Variants in SIPA1L1 observed in about 807,000 individuals in gnomAD.
SIPA1L1 encodes signal-induced proliferation-associated 1-like protein 1.
In SIPA1L1, 26 loss-of-function variants were observed where a neutral mutation model predicts 162.7. The ratio of observed to expected loss-of-function variants is 0.16; its 90% CI spans 0.12 to 0.22. The LOEUF (loss-of-function observed/expected upper bound fraction) is 0.22. Ranked by LOEUF, SIPA1L1 falls within the 10% of genes least tolerant of loss-of-function variation. The pLI, the probability that SIPA1L1 is intolerant of heterozygous loss-of-function variation, is 1.00. For synonymous variants in SIPA1L1, 829 were observed against 837.4 expected (o/e 0.99, Z 0.17); for missense variants, 1,874 against 2,241.0 (o/e 0.84, Z 3.31).
intron 4 of SIPA1L1, among the ~76,000 whole-genome samples, chr14:71,544,344 T>C (rs1242864500): frequency 1.3e-5 from 2 of 151,934 alleles, no homozygotes; most frequent in East Asian, 3.9e-4. Flanking sequence ...CATGTGTGTG[T>C]ATATACATGT....
rs997019875 is a variant in SIPA1L1 at position 71,377,298 on chromosome 14, C to G, written c.-465+56117C>G. ...ACGGGGGCGTTCTCCACTTCTCAGACAGGGCGGCTGCCGGGTGGAGGGGCT... is the reference window on the plus strand; with the variant it reads ...ACGGGGGCGTTCTCCACTTCTCAGAGAGGGCGGCTGCCGGGTGGAGGGGCT... On this transcript the variant is annotated intron_variant, in intron 2 of 23. Coordinates refer to ENST00000381232, the MANE Select transcript of SIPA1L1 (RefSeq NM_001386936.1). The surrounding 1 kb of genome is among the most constrained non-coding windows in gnomAD (Gnocchi z 4.8). Among the ~76,000 whole-genome samples the G allele has an allele frequency of 1.3e-5, 2 of 151,090 alleles. No homozygotes were observed. Among genetic ancestry groups the G allele is most frequent in the Admixed American group, 6.6e-5 (1 of 15,224 alleles).
intron 2 of SIPA1L1, among the ~76,000 whole-genome samples, chr14:71,476,276 A>T (rs1436647112): frequency 6.6e-6 from 1 of 152,222 alleles, no homozygotes; most frequent in Admixed American, 6.5e-5. Flanking sequence ...GAGTTCATGC[A>T]TCTGTTTCCC....
chr14:71,438,967 AG>A (rs2044623140), intron 2 of SIPA1L1, among the ~76,000 whole-genome samples: 1 of 151,364 alleles, frequency 6.6e-6, no homozygotes, highest in African/African-American at 2.4e-5. Flanking sequence ...CTAGGAGAGC[AG>A]GTTTTTTTTT....
intron 2 of SIPA1L1, among the ~76,000 whole-genome samples, chr14:71,455,271 G>A (rs188794303): frequency 4.6e-5 from 7 of 152,322 alleles, no homozygotes; most frequent in Admixed American, 3.3e-4. Flanking sequence ...GTGATTGAAT[G>A]TATGCCATTG....
At chr14:71,406,272 G>T (rs2042019975) in intron 2 of SIPA1L1, among the ~76,000 whole-genome samples, 1 of 152,170 alleles carries the variant, frequency 6.6e-6, no homozygotes, top group African/African-American at 2.4e-5. Context: ...TTTCTGATAT[G>T]CTGTATATAT....
At chr14:71,364,891 G>A (rs577272980) in intron 2 of SIPA1L1, among the ~76,000 whole-genome samples, 5 of 151,090 alleles carry the variant, frequency 3.3e-5, no homozygotes, top group African/African-American at 4.9e-5. Context: ...GACTACAGGC[G>A]CATGCCACCA....
rs932302671 is a variant in SIPA1L1, at chr14:71,377,818, A to C, written c.-465+56637A>C. ...GGCGAAACCCCGTCTCCACCAAAAA[A>C]TACAAAAACCAGTCAGGCGTGGCGG... On this transcript the variant is annotated intron_variant, in intron 2 of 23. Coordinates refer to ENST00000381232, the MANE Select transcript of SIPA1L1 (RefSeq NM_001386936.1). This position sits in a 1 kb window ranked among gnomAD's most constrained non-coding sequence, Gnocchi z 4.8. 1.3e-5 allele frequency among the ~76,000 whole-genome samples: 2 copies of C among 152,214 alleles called. No individual in the cohort carries two copies. Among genetic ancestry groups the C allele is most frequent in the Non-Finnish European group, 2.9e-5 (2 of 68,032 alleles).
chr14:71,539,246 G>A (rs1567170933), intron 4 of SIPA1L1, among the ~76,000 whole-genome samples: 1 of 152,140 alleles, frequency 6.6e-6, no homozygotes, highest in East Asian at 1.9e-4. Flanking sequence ...CTCATAAGCT[G>A]TAGAAGTGTC....
intron 17 of SIPA1L1, among the ~76,000 whole-genome samples, chr14:71,719,861 A>G (rs1442486876): frequency 6.6e-6 from 1 of 152,154 alleles, no homozygotes; most frequent in African/African-American, 2.4e-5. Flanking sequence ...GAGTTCCCAT[A>G]CACCCCTCAC....
intron 2 of SIPA1L1, among the ~76,000 whole-genome samples, chr14:71,453,996 CAAAAAAAAAAAAAAAAA>C (rs751420064): frequency 1.3e-5 from 1 of 76,556 alleles, no homozygotes; most frequent in African/African-American, 6.3e-5. Context: ...GAGATTGTTT[CAAAAAAAAAAAAAAAAA>C]AAAAAAAAAA....
chr14:71,350,169 G>A (rs1157620489), intron 2 of SIPA1L1, among the ~76,000 whole-genome samples: 1 of 151,716 alleles, frequency 6.6e-6, no homozygotes, highest in Non-Finnish European at 1.5e-5. Context: ...TAAAGTGCTG[G>A]GATTATAGGC....
intron 2 of SIPA1L1, among the ~76,000 whole-genome samples, chr14:71,444,337 A>C (rs572944405): frequency 6.6e-6 from 1 of 152,304 alleles, no homozygotes; most frequent in Admixed American, 6.5e-5. Flanking sequence ...GAACACTATA[A>C]AATTCTCAAT....
chr14:71,372,596 T>C lies in SIPA1L1; in HGVS notation c.-465+51415T>C, dbSNP rs566756211. ...AGGAATTTTTCTTCCTCTTTCAGTA[T>C]ATTGACATCACATTCCTTGGCCTAG... On this transcript the variant is annotated intron_variant, in intron 2 of 23. Coordinates refer to ENST00000381232, the MANE Select transcript of SIPA1L1 (RefSeq NM_001386936.1). Among the ~76,000 whole-genome samples, 4 of 152,314 alleles carry C rather than the reference T, an allele frequency of 2.6e-5. No homozygotes were observed. In the South Asian group the frequency reaches 8.3e-4, roughly 32 times the overall value.
chr14:71,731,140 A>G (rs1478395815), intron 20 of SIPA1L1, among the ~76,000 whole-genome samples: 1 of 151,922 alleles, frequency 6.6e-6, no homozygotes, highest in Non-Finnish European at 1.5e-5. Flanking sequence ...ATTCATACCC[A>G]TGTTTCTTTT....
At chr14:71,569,252 T>C (rs1207688936) in intron 4 of SIPA1L1, among the ~76,000 whole-genome samples, 1 of 152,204 alleles carries the variant, frequency 6.6e-6, no homozygotes, top group East Asian at 1.9e-4. Context: ...TTAACTAATT[T>C]AGTGACGTGA....
At chr14:71,690,154 G>A (rs1472685694) in intron 13 of SIPA1L1, among the ~76,000 whole-genome samples, 1 of 152,130 alleles carries the variant, frequency 6.6e-6, no homozygotes, top group Admixed American at 6.6e-5. Context: ...TTCGTGCCTT[G>A]CCATGAGGAT....
intron 10 of SIPA1L1, among the ~76,000 whole-genome samples, chr14:71,662,836 G>A (rs1381057641): frequency 6.6e-6 from 1 of 152,160 alleles, no homozygotes; most frequent in Non-Finnish European, 1.5e-5. Context: ...TAGAATGAAA[G>A]CACAGAACAA....
intron 2 of SIPA1L1, among the ~76,000 whole-genome samples, chr14:71,384,731 T>G (rs1209917499): frequency 6.6e-6 from 1 of 152,194 alleles, no homozygotes; most frequent in Non-Finnish European, 1.5e-5. Context: ...TGGTCTAAAT[T>G]AAACTCATTC....
At chr14:71,722,648 C>A (rs2083852507) in intron 17 of SIPA1L1, among the ~76,000 whole-genome samples, 1 of 152,272 alleles carries the variant, frequency 6.6e-6, no homozygotes. Context: ...AACTCTCATC[C>A]CTTATTTTGA....
Sources: gnomAD v4.1 joint callset for allele counts (sites outside exome capture counted in the v4.1 genomes callset) on GRCh38, gnomAD v4.1.1 for gene constraint, Gnocchi (gnomAD v3.1) non-coding constraint, MANE v1.5 for transcripts, NCBI Gene and HGNC (gene_info 2026-07-23, HGNC 2026-07-21) for gene names.